Variants in ASTN2 observed in about 807,000 individuals in gnomAD.
The protein encoded by ASTN2 is astrotactin-2.
Under a neutral mutation model 139.8 loss-of-function variants are expected in ASTN2, and 54 were observed. The observed-to-expected ratio is 0.39, with a 90% CI of 0.31 to 0.48. ASTN2 has a LOEUF of 0.48. Ranked by LOEUF, ASTN2 falls within the 20% of genes least tolerant of loss-of-function variation. The pLI, the probability that ASTN2 is intolerant of heterozygous loss-of-function variation, is 0.95. For missense variants in ASTN2, 1,565 were observed against 1,725.1 expected (o/e 0.91, Z 1.64); for synonymous variants, 756 against 719.5 (o/e 1.05, Z -0.81).
intron 1 of ASTN2, among the ~76,000 whole-genome samples, chr9:117,384,462 GTGA>G (rs1314661429): frequency 6.6e-6 from 1 of 152,178 alleles, no homozygotes; most frequent in East Asian, 1.9e-4. Context: ...GACTAGAGAT[GTGA>G]TACGAGTCCC....
At chr9:116,456,442 A>G (rs564955441) in intron 20 of ASTN2, among the ~76,000 whole-genome samples, 2 of 152,348 alleles carry the variant, frequency 1.3e-5, no homozygotes, top group East Asian at 3.9e-4. Flanking sequence ...TATAGATTCA[A>G]TGCAATCCCT....
At chr9:116,921,905 T>C (rs1834623587) in intron 10 of ASTN2, among the ~76,000 whole-genome samples, 1 of 152,098 alleles carries the variant, frequency 6.6e-6, no homozygotes, top group Non-Finnish European at 1.5e-5. Flanking sequence ...GAATTAAAAT[T>C]CAAGATGAGA....
chr9:117,079,116 G>A (rs1828356718), intron 5 of ASTN2, among the ~76,000 whole-genome samples: 1 of 152,208 alleles, frequency 6.6e-6, no homozygotes, highest in South Asian at 2.1e-4. Context: ...AGTACATTGA[G>A]AGGCCATGGC....
Position 116,976,680 on chromosome 9 carries a change from C to G in ASTN2, c.1676+21G>C, listed in dbSNP as rs766874762. On this transcript the variant is annotated intron_variant, in intron 8 of 22. Coordinates refer to ENST00000313400, the MANE Select transcript of ASTN2 (RefSeq NM_001365068.1). ...AAGTGGGTCCTGCACTGTCCTGGAC[C>G]TGATGCCCTTTGCCACTCACCCTTC... The G allele has an allele frequency of 1.4e-5, 22 of 1,612,660 alleles. No individual in the cohort carries two copies. In the East Asian group the frequency reaches 4.7e-4, roughly 34 times the overall value.
intron 16 of ASTN2, among the ~76,000 whole-genome samples, chr9:116,694,459 CT>C (rs56666915): frequency 0.038 from 3,357 of 87,872 alleles, 136 homozygotes; most frequent in African/African-American, 0.15. Flanking sequence ...TGTAATTTCT[CT>C]TTTTTTTTTT....
At chr9:117,344,976 G>A (rs1450293921) in intron 1 of ASTN2, among the ~76,000 whole-genome samples, 4 of 152,132 alleles carry the variant, frequency 2.6e-5, no homozygotes, top group Non-Finnish European at 5.9e-5. Context: ...CAAGAGTGGG[G>A]AACGTTTTTC....
At chr9:116,999,642 C>A (rs1197952879) in intron 7 of ASTN2, among the ~76,000 whole-genome samples, 2 of 139,774 alleles carry the variant, frequency 1.4e-5, no homozygotes, top group Non-Finnish European at 3.0e-5. Flanking sequence ...TCACTGCAAC[C>A]TTCGCCTCTC....
intron 10 of ASTN2, among the ~76,000 whole-genome samples, chr9:116,969,411 G>C (rs959352431): frequency 6.6e-6 from 1 of 152,160 alleles, no homozygotes; most frequent in East Asian, 1.9e-4. Flanking sequence ...GCCACCTAAG[G>C]ATGTGTGATT....
At chr9:116,430,931 G>C (rs376737928) in intron 22 of ASTN2, among the ~76,000 whole-genome samples, 1 of 152,334 alleles carries the variant, frequency 6.6e-6, no homozygotes, top group South Asian at 2.1e-4. Context: ...GCTTTCCCTG[G>C]AGGGGAAATC....
intron 16 of ASTN2, among the ~76,000 whole-genome samples, chr9:116,683,826 A>ACTTAATT (rs1466212029): frequency 1.5e-4 from 3 of 20,122 alleles, no homozygotes; most frequent in Non-Finnish European, 2.6e-4. Flanking sequence ...AAGTGCAGTA[A>ACTTAATT]GAATCTGTTT....
chr9:116,855,166 G>T (rs1832707731), intron 11 of ASTN2, among the ~76,000 whole-genome samples: 1 of 152,106 alleles, frequency 6.6e-6, no homozygotes, highest in Non-Finnish European at 1.5e-5. Context: ...GTCATGAGAA[G>T]AAAAAAATAT....
At chr9:116,958,256 T>C (rs1835773902) in intron 10 of ASTN2, among the ~76,000 whole-genome samples, 1 of 152,182 alleles carries the variant, frequency 6.6e-6, no homozygotes, top group Admixed American at 6.5e-5. Flanking sequence ...CATTGGGTTG[T>C]ACGAATGTCA....
intron 3 of ASTN2, among the ~76,000 whole-genome samples, chr9:117,147,769 C>T (rs1206191372): frequency 6.6e-6 from 1 of 152,102 alleles, no homozygotes; most frequent in East Asian, 1.9e-4. Flanking sequence ...ATGGTTTTTC[C>T]AGGTCATGCA....
rs1292244806 is a variant in ASTN2, at chr9:116,424,088, G to A, written c.*1763C>T. 6.6e-6 allele frequency among the ~76,000 whole-genome samples: 1 copy of A among 152,070 alleles called. No homozygotes were observed. Among genetic ancestry groups the A allele is most frequent in the Non-Finnish European group, 1.5e-5 (1 of 68,024 alleles). ...TGCTCAAGCTAGGTAGCTTATTTGA[G>A]CTAATATGAGGGTGTTAAGAATTTA... On this transcript the variant is annotated 3_prime_UTR_variant, in exon 23 of 23. Coordinates refer to ENST00000313400, the MANE Select transcript of ASTN2 (RefSeq NM_001365068.1).
intron 19 of ASTN2, among the ~76,000 whole-genome samples, chr9:116,531,815 G>A (rs926147668): frequency 6.6e-6 from 1 of 152,078 alleles, no homozygotes; most frequent in African/African-American, 2.4e-5. Context: ...AAATAGTGCC[G>A]CAGAAAACAT....
At chr9:117,157,066 C>T (rs1830448463) in intron 3 of ASTN2, among the ~76,000 whole-genome samples, 1 of 151,960 alleles carries the variant, frequency 6.6e-6, no homozygotes, top group African/African-American at 2.4e-5. Flanking sequence ...TCTAGCTCTC[C>T]GCAGAAGAAA....
At chr9:117,187,207 T>G (rs1448361084) in intron 3 of ASTN2, among the ~76,000 whole-genome samples, 2 of 152,100 alleles carry the variant, frequency 1.3e-5, no homozygotes, top group Non-Finnish European at 2.9e-5. Context: ...TTATGTACAT[T>G]GTTTTATTTT....
intron 19 of ASTN2, among the ~76,000 whole-genome samples, chr9:116,523,099 G>A (rs758138205): frequency 4.6e-5 from 7 of 152,092 alleles, no homozygotes; most frequent in Non-Finnish European, 7.4e-5. Context: ...AATGTTGTAG[G>A]AGACTCTTTC....
chr9:116,996,489 T>C (rs1483810339), intron 7 of ASTN2, among the ~76,000 whole-genome samples: 1 of 152,164 alleles, frequency 6.6e-6, no homozygotes, highest in South Asian at 2.1e-4. Flanking sequence ...GCATAATGCA[T>C]TGGGGAAATA....
Sources: gnomAD v4.1 joint callset for allele counts (sites outside exome capture counted in the v4.1 genomes callset) on GRCh38, gnomAD v4.1.1 for gene constraint, MANE v1.5 for transcripts, NCBI Gene and HGNC (gene_info 2026-07-23, HGNC 2026-07-21) for gene names.